MICAL2: variants seen among roughly 807,000 people sequenced by gnomAD.
MICAL2 encodes microtubule associated monooxygenase, calponin and LIM domain containing 2.
A neutral mutation model predicts 127.3 loss-of-function variants in MICAL2; 77 were observed. The ratio of observed to expected loss-of-function variants is 0.60; its 90% CI spans 0.50 to 0.73. MICAL2 has a LOEUF of 0.73. MICAL2 is among the 30% of genes least tolerant of loss of function. The probability of loss-of-function intolerance (pLI) is 0.00; values close to 1 mark genes in which losing one functional copy is unlikely to be tolerated. For missense variants in MICAL2, 1,351 were observed against 1,434.4 expected (o/e 0.94, Z 0.94); for synonymous variants, 570 against 551.1 (o/e 1.03, Z -0.48).
At chr11:12,324,175 C>A in intron 31 of MICAL2, 1 of 1,346,004 alleles carries the variant, frequency 7.4e-7, no homozygotes, top group South Asian at 1.6e-5. Flanking sequence ...GGAAAGCAGG[C>A]TGGAGAAAGG....
chr11:12,314,433 A>G (rs1005319147), intron 29 of MICAL2, among the ~76,000 whole-genome samples: 6 of 152,002 alleles, frequency 3.9e-5, no homozygotes, highest in African/African-American at 1.4e-4. Flanking sequence ...TCTATATTAA[A>G]TTAATTCTCT....
At chr11:12,167,367 G>A (rs1243941841) in intron 3 of MICAL2, among the ~76,000 whole-genome samples, 1 of 152,144 alleles carries the variant, frequency 6.6e-6, no homozygotes, top group African/African-American at 2.4e-5. Flanking sequence ...TCCCCTGTGT[G>A]TAGCCCAGGC....
At chr11:12,259,284 A>G (rs1376199903) in intron 25 of MICAL2, among the ~76,000 whole-genome samples, 1 of 152,214 alleles carries the variant, frequency 6.6e-6, no homozygotes, top group African/African-American at 2.4e-5. Flanking sequence ...GTGGAATCCT[A>G]TGCCTAGAGT....
chr11:12,300,909 T>A (rs1328328390), intron 29 of MICAL2, among the ~76,000 whole-genome samples: 1 of 152,352 alleles, frequency 6.6e-6, no homozygotes, highest in Admixed American at 6.5e-5. Context: ...TACTCTTTTG[T>A]GCCTGGCTTC....
chr11:12,162,227 G>C lies in MICAL2; in HGVS notation c.72G>C (p.Thr24=), dbSNP rs770763245. ...TTGAGAACTTTGTCCAGGCATCCAC[G>C]TGCAAAGGTACCCTCCAGGCCTTCA... The part of the protein sequence containing the change: ...QVFENFVQAS[T]CKGTLQAFNI... Residue 24 remains threonine (T), a synonymous_variant, in exon 3 of 28, where the codon ACG becomes ACC. Coordinates refer to ENST00000683283, the MANE Select transcript of MICAL2 (RefSeq NM_001282663.2). 5 of 1,614,046 alleles carry C rather than the reference G, an allele frequency of 3.1e-6. No homozygotes were observed. The highest frequency in any genetic ancestry group is 4.2e-6 in the Non-Finnish European group (5 of 1,180,048).
At chr11:12,361,961 G>A, downstream of MICAL2, among the ~76,000 whole-genome samples, 1 of 152,300 alleles carries the variant, frequency 6.6e-6, no homozygotes, top group Middle Eastern at 3.4e-3. Context: ...CACATACAGG[G>A]GAAAGTGTAC....
chr11:12,358,305 A>T, exon 35 of MICAL2: 1 of 1,613,632 alleles, frequency 6.2e-7, no homozygotes, highest in Non-Finnish European at 8.5e-7. Context: ...AGAGCCAGAA[A>T]GATGAGAAGG....
At chr11:12,130,058 C>T (rs184259928) in intron 1 of MICAL2, among the ~76,000 whole-genome samples, 35 of 152,204 alleles carry the variant, frequency 2.3e-4, no homozygotes, top group Non-Finnish European at 4.3e-4. Flanking sequence ...TTGTTACTCC[C>T]GAACTAAGCA....
chr11:12,288,479 G>C (rs906595294), downstream of MICAL2, among the ~76,000 whole-genome samples: 1 of 152,230 alleles, frequency 6.6e-6, no homozygotes, highest in Non-Finnish European at 1.5e-5. Flanking sequence ...GGAGGTGCAG[G>C]AGCAAGAGGA....
intron 31 of MICAL2, among the ~76,000 whole-genome samples, chr11:12,325,115 G>A (rs1223802300): frequency 6.6e-6 from 1 of 151,900 alleles, no homozygotes; most frequent in Non-Finnish European, 1.5e-5. Context: ...TTGTTTTTTG[G>A]TTTTTTATTT....
chr11:12,118,835 A>G (rs74781624), intron 1 of MICAL2, among the ~76,000 whole-genome samples: 6 of 152,276 alleles, frequency 3.9e-5, no homozygotes, highest in Non-Finnish European at 5.9e-5. Context: ...TTGCCTGGAT[A>G]TGCACTCCAA....
chr11:12,154,392 C>T (rs1030779652), intron 2 of MICAL2, among the ~76,000 whole-genome samples: 6 of 151,982 alleles, frequency 3.9e-5, no homozygotes, highest in African/African-American at 1.5e-4. Context: ...TTGAGATGGA[C>T]AGTCAGGGAA....
At chr11:12,116,169 G>A (rs1046973813) in intron 1 of MICAL2, among the ~76,000 whole-genome samples, 5 of 151,498 alleles carry the variant, frequency 3.3e-5, no homozygotes, top group East Asian at 1.9e-4. Context: ...TAGTAGAGAC[G>A]GGGTTTCACT....
chr11:12,162,630 GGAAGCCAGAGGCAAAGTTGAGGGAGA>G (rs1350159240), intron 3 of MICAL2, among the ~76,000 whole-genome samples: 8 of 152,342 alleles, frequency 5.3e-5, no homozygotes, highest in East Asian at 1.9e-4. Context: ...TCCAAGGGAG[GGAAGCCAGAGGCAAAGTTGAGGGAGA>G]GAAGCCCATG....
chr11:12,216,440 C>T, intron 8 of MICAL2, 121 bp downstream of exon 8: 1 of 705,292 alleles, frequency 1.4e-6, no homozygotes, highest in Admixed American at 2.2e-5. Context: ...GAAGGTGCCA[C>T]CAGCTTACAC....
rs555753675 is a variant in MICAL2, at chr11:12,336,860, T to A, written c.5515+9594T>A. 5.3e-5 allele frequency among the ~76,000 whole-genome samples: 8 copies of A among 152,150 alleles called. No homozygotes were observed. In the East Asian group the frequency reaches 1.5e-3, roughly 29 times the overall value. On this transcript the variant is annotated intron_variant, in intron 32 of 34. Coordinates refer to the MICAL2 transcript ENST00000646065. The stretch of plus-strand genomic sequence containing the variant: ...TGCTGCTGGATTCAGTTTGCCAGTA[T>A]TTTATTGAGGATTTTTGCATCAGTG...
intron 1 of MICAL2, among the ~76,000 whole-genome samples, chr11:12,113,599 C>A (rs115459490): frequency 6.6e-6 from 1 of 152,188 alleles, no homozygotes; most frequent in Non-Finnish European, 1.5e-5. Flanking sequence ...CAGCCATGGT[C>A]TGAAAATATT....
chr11:12,294,449 G>A (rs1863950418), downstream of MICAL2: 1 of 1,614,034 alleles, frequency 6.2e-7, no homozygotes, highest in East Asian at 2.2e-5. Context: ...TAGCCCTCCT[G>A]ACCCTGCCCT....
intron 3 of MICAL2, among the ~76,000 whole-genome samples, chr11:12,175,537 TGAGA>T (rs949170555): frequency 1.3e-5 from 2 of 150,312 alleles, no homozygotes; most frequent in Admixed American, 1.3e-4. Context: ...TTCTTATCAG[TGAGA>T]GAGAGAGAGA....
Sources: gnomAD v4.1 joint callset for allele counts (sites outside exome capture counted in the v4.1 genomes callset) on GRCh38, gnomAD v4.1.1 for gene constraint, MANE v1.5 for transcripts, NCBI Gene and HGNC (gene_info 2026-07-23, HGNC 2026-07-21) for gene names.